SLC16A12: variants seen among roughly 807,000 people sequenced by gnomAD.
SLC16A12 encodes the protein monocarboxylate transporter 12.
A neutral mutation model predicts 42.4 loss-of-function variants in SLC16A12; 17 were observed. That is an observed-to-expected ratio of 0.40 (90% confidence interval 0.27 to 0.60). The LOEUF is 0.60. Ranked by LOEUF, SLC16A12 falls within the 20% of genes least tolerant of loss-of-function variation. The pLI is 0.42. For synonymous variants in SLC16A12, 224 were observed against 229.4 expected (o/e 0.98, Z 0.21); for missense variants, 544 against 623.0 (o/e 0.87, Z 1.35).
rs148324730 is a variant in SLC16A12, at chr10:89,492,426, TA to T, written c.-46-29803del. 1.0e-3 allele frequency among the ~76,000 whole-genome samples: 154 copies of T among 148,564 alleles called. 4 individuals are homozygous for T. In the East Asian group the frequency reaches 0.023, roughly 22 times the overall value. Reference sequence around the variant, plus strand: ...ACTCACCTATGCTTAAAAGGACTTGTAAAAAAAAAATAGCTATAAGTAGCTG... The same window carrying T: ...ACTCACCTATGCTTAAAAGGACTTGTAAAAAAAAATAGCTATAAGTAGCTG... On this transcript the variant is annotated intron_variant, in intron 2 of 7. Coordinates refer to ENST00000371790, the MANE Select transcript of SLC16A12 (RefSeq NM_213606.4).
At chr10:89,482,426 C>T (rs972742014) in intron 2 of SLC16A12, among the ~76,000 whole-genome samples, 1 of 152,048 alleles carries the variant, frequency 6.6e-6, no homozygotes, top group Non-Finnish European at 1.5e-5. Flanking sequence ...ATTTTAATCA[C>T]AGTGTGGCAG....
chr10:89,514,511 G>GC (rs1442494246), intron 2 of SLC16A12, among the ~76,000 whole-genome samples: 1 of 152,184 alleles, frequency 6.6e-6, no homozygotes, highest in Non-Finnish European at 1.5e-5. Flanking sequence ...GTAGACAATG[G>GC]CCCTCTGGCT....
chr10:89,534,208 G>A (rs557840430), intron 2 of SLC16A12, among the ~76,000 whole-genome samples: 1 of 152,248 alleles, frequency 6.6e-6, no homozygotes, highest in East Asian at 1.9e-4. Context: ...GGTCACCTTG[G>A]GGGCGCAGGG....
intron 2 of SLC16A12, among the ~76,000 whole-genome samples, chr10:89,469,626 CT>C (rs1160765320): frequency 1.3e-5 from 2 of 152,170 alleles, no homozygotes; most frequent in Non-Finnish European, 2.9e-5. Flanking sequence ...TCACCTTTAG[CT>C]GTATTCTCAC....
At chr10:89,461,360 G>A (rs562478331) in intron 3 of SLC16A12, among the ~76,000 whole-genome samples, 1 of 152,204 alleles carries the variant, frequency 6.6e-6, no homozygotes, top group African/African-American at 2.4e-5. Flanking sequence ...TAAATTCTAG[G>A]TTTTAAGCTT....
Position 89,436,302 on chromosome 10 carries a change from T to G in SLC16A12, c.1046A>C (p.Gln349Pro), listed in dbSNP as rs143738295. Residue 349 changes from glutamine to proline, a missense_variant, in exon 7 of 8, where the codon CAG (glutamine) becomes CCG (proline). Coordinates refer to ENST00000371790, the MANE Select transcript of SLC16A12 (RefSeq NM_213606.4). Reference protein sequence around the residue: ...LTDRRCLKNYQYVCYLFAVGM... With the variant: ...LTDRRCLKNYPYVCYLFAVGM... ...CACGGCAAAGAGGTAGCAAACATAC[T>G]GGTAATTCTTCAGACACCTGTAGAT... The G allele has an allele frequency of 3.7e-6, 6 of 1,613,956 alleles. No homozygotes were observed. Among genetic ancestry groups the G allele is most frequent in the Non-Finnish European group, 4.2e-6 (5 of 1,179,962 alleles).
intron 2 of SLC16A12, among the ~76,000 whole-genome samples, chr10:89,483,751 AAAC>A (rs1842705130): frequency 2.0e-5 from 3 of 149,090 alleles, no homozygotes; most frequent in African/African-American, 7.4e-5. Flanking sequence ...AAAAAAAAAA[AAAC>A]AAAAAAAAAA....
intron 2 of SLC16A12, among the ~76,000 whole-genome samples, chr10:89,532,258 T>A (rs1843567094): frequency 6.6e-6 from 1 of 152,100 alleles, no homozygotes; most frequent in African/African-American, 2.4e-5. Flanking sequence ...AGGAAGGATA[T>A]GTATCTGATG....
chr10:89,452,106 C>T (rs1284210564), intron 3 of SLC16A12, among the ~76,000 whole-genome samples: 1 of 152,170 alleles, frequency 6.6e-6, no homozygotes, highest in African/African-American at 2.4e-5. Context: ...TAACAAACCA[C>T]TAATGTTGAG....
In SLC16A12 at chr10:89,430,864, A is replaced by G. The variant is rs1304791578; in HGVS notation, c.*2200T>C. On this transcript the variant is annotated 3_prime_UTR_variant, in exon 8 of 8. Transcript: ENST00000371790. ...TTTTGTTGTGATCATGATAAAAAAT[A>G]TGTATAAGAATATTTGTAACTATTC... is the stretch of plus-strand genomic sequence containing the variant. 3 of 370,158 alleles carry G rather than the reference A, an allele frequency of 8.1e-6. No individual in the cohort carries two copies. Among genetic ancestry groups the G allele is most frequent in the Admixed American group, 8.1e-5 (2 of 24,814 alleles). The allele number at this position is 370,158 out of a possible 1,614,324, so 22.9% of individuals were successfully genotyped here.
chr10:89,520,720 C>CAA (rs10712043), intron 2 of SLC16A12, among the ~76,000 whole-genome samples: 17,371 of 99,706 alleles, frequency 0.17, 2,258 homozygotes, highest in African/African-American at 0.41. Flanking sequence ...TCACATAGGC[C>CAA]AAAAAAAAAA....
chr10:89,527,010 T>C (rs572375788), intron 2 of SLC16A12, among the ~76,000 whole-genome samples: 9 of 150,650 alleles, frequency 6.0e-5, no homozygotes, highest in Non-Finnish European at 1.3e-4. Flanking sequence ...TCCCAGGAAT[T>C]TGCAAAATAC....
In SLC16A12 at chr10:89,443,807, C is replaced by T. The variant is rs551632763; in HGVS notation, c.253G>A (p.Ala85Thr). 54 of 1,613,826 alleles carry T rather than the reference C, an allele frequency of 3.3e-5. No homozygotes were observed. In the East Asian group the frequency reaches 3.6e-4, roughly 11 times the overall value. Residue 85 changes from alanine to threonine, a missense_variant, in exon 4 of 8, where the codon GCA becomes ACA. Ala to Thr is a moderately conservative substitution (Grantham distance 58, BLOSUM62 0). Coordinates refer to ENST00000371790, the MANE Select transcript of SLC16A12 (RefSeq NM_213606.4). ...ATGGAATGGATCCATGCCGTTTGTG[C>T]GTAATCCTGAGTGAAGTATGTCTGG... ...EFQTYFTQDY[A>T]QTAWIHSIVD...
intron 3 of SLC16A12, among the ~76,000 whole-genome samples, chr10:89,446,793 A>G (rs1842009651): frequency 6.6e-6 from 1 of 152,218 alleles, no homozygotes; most frequent in Admixed American, 6.5e-5. Context: ...AAATACCCCA[A>G]TTAAAAGACA....
At chr10:89,449,284 C>G (rs899951420) in intron 3 of SLC16A12, among the ~76,000 whole-genome samples, 1 of 152,058 alleles carries the variant, frequency 6.6e-6, no homozygotes, top group Non-Finnish European at 1.5e-5. Flanking sequence ...AACCAAAAAA[C>G]TGCCTGCATT....
intron 3 of SLC16A12, among the ~76,000 whole-genome samples, chr10:89,447,378 G>A (rs1022872549): frequency 6.6e-6 from 1 of 152,158 alleles, no homozygotes; most frequent in African/African-American, 2.4e-5. Flanking sequence ...CTTAGCAAAT[G>A]TAAAAGAACA....
At chr10:89,486,751 T>C (rs1214507719) in intron 2 of SLC16A12, among the ~76,000 whole-genome samples, 2 of 147,762 alleles carry the variant, frequency 1.4e-5, no homozygotes, top group Admixed American at 1.3e-4. Context: ...GAAATAAGTA[T>C]AGAAATAAAG....
intron 2 of SLC16A12, among the ~76,000 whole-genome samples, chr10:89,482,039 T>C (rs950750263): frequency 6.6e-6 from 1 of 152,174 alleles, no homozygotes; most frequent in Non-Finnish European, 1.5e-5. Context: ...AGTTTTAGAA[T>C]CTTTGAATGA....
intron 2 of SLC16A12, among the ~76,000 whole-genome samples, chr10:89,467,003 C>T (rs945833100): frequency 7.9e-5 from 12 of 152,176 alleles, no homozygotes; most frequent in African/African-American, 2.7e-4. Flanking sequence ...GACAAACACA[C>T]ACAATGGAAT....
Sources: gnomAD v4.1 joint callset for allele counts (sites outside exome capture counted in the v4.1 genomes callset) on GRCh38, gnomAD v4.1.1 for gene constraint, MANE v1.5 for transcripts, NCBI Gene and HGNC (gene_info 2026-07-23, HGNC 2026-07-21) for gene names.